Variants in RANBP2 observed in about 807,000 individuals in gnomAD.
RANBP2 encodes the protein E3 SUMO-protein ligase RanBP2.
Under a neutral mutation model 303.6 loss-of-function variants are expected in RANBP2, and 57 were observed. The ratio of observed to expected loss-of-function variants is 0.19; its 90% CI spans 0.15 to 0.23. The LOEUF (loss-of-function observed/expected upper bound fraction) is 0.23, where lower values mean the gene tolerates loss of function less well. Among genes scored for constraint, RANBP2 ranks in the 10% least tolerant of loss-of-function variants. The pLI, the probability that RANBP2 is intolerant of heterozygous loss-of-function variation, is 1.00. For synonymous variants in RANBP2, 1,167 were observed against 1,301.5 expected, an observed-to-expected ratio of 0.90 and a Z score of 2.23; for missense variants, 3,138 against 3,780.8, an observed-to-expected ratio of 0.83 and a Z score of 4.46.
At chr2:108,943,437 A>G in the RANBP2 span, among the ~76,000 whole-genome samples, 1 of 152,156 alleles carries the variant, frequency 6.6e-6, no homozygotes, top group East Asian at 1.9e-4. Context: ...CTGCAATCAC[A>G]CCGTATTCAT....
At chr2:108,862,161 A>G in the RANBP2 span, among the ~76,000 whole-genome samples, 16 of 149,798 alleles carry the variant, frequency 1.1e-4, no homozygotes, top group South Asian at 3.4e-3. Context: ...AGAAGAATAT[A>G]TATTCTGTGG....
chr2:108,936,564 G>T, the RANBP2 span, among the ~76,000 whole-genome samples: 1 of 152,122 alleles, frequency 6.6e-6, no homozygotes, highest in African/African-American at 2.4e-5. Flanking sequence ...GGAGGCTGCT[G>T]GTGGCCTCCT....
rs1286460097 is a variant in RANBP2 at position 108,763,298 on chromosome 2, A to G, written c.2759A>G (p.Gln920Arg). The change falls in exon 20 of 29, where the codon CAG (glutamine) becomes CGG (arginine). Residue 920 changes from glutamine to arginine, a missense_variant. Coordinates refer to ENST00000283195, the MANE Select transcript of RANBP2 (RefSeq NM_006267.5). Reference sequence around the variant, plus strand: ...CAGCATATTTATGCCTATCCGCAACAGATGCACACACCGCCAGTGCAAAGC... The same window carrying G: ...CAGCATATTTATGCCTATCCGCAACGGATGCACACACCGCCAGTGCAAAGC... ...PQQHIYAYPQQMHTPPVQSSS... is the reference protein window; with the variant it reads ...PQQHIYAYPQRMHTPPVQSSS... The G allele has an allele frequency of 1.2e-6, 2 of 1,613,946 alleles. No homozygotes were observed. The highest frequency in any genetic ancestry group is 1.7e-6 in the Non-Finnish European group (2 of 1,179,966).
the RANBP2 span, among the ~76,000 whole-genome samples, chr2:109,114,446 G>T: frequency 6.6e-6 from 1 of 152,038 alleles, no homozygotes; most frequent in African/African-American, 2.4e-5. Flanking sequence ...TTCTCTGATG[G>T]TAGTTTGTAT....
chr2:109,515,060 G>T, the RANBP2 span, among the ~76,000 whole-genome samples: 1 of 152,310 alleles, frequency 6.6e-6, no homozygotes, highest in South Asian at 2.1e-4. Context: ...GATGACCTTT[G>T]CCCTGGAAAT....
the RANBP2 span, among the ~76,000 whole-genome samples, chr2:109,456,201 C>G: frequency 6.6e-6 from 1 of 152,226 alleles, no homozygotes; most frequent in Non-Finnish European, 1.5e-5. Flanking sequence ...CCTGGCAGCT[C>G]TGCTGGTTAG....
At chr2:109,466,072 C>CTTTTTT in the RANBP2 span, among the ~76,000 whole-genome samples, 264 of 82,386 alleles carry the variant, frequency 3.2e-3, no homozygotes, top group Non-Finnish European at 4.1e-3. Flanking sequence ...ACCTGTACAT[C>CTTTTTT]TTTTTTTTTT....
At chr2:108,989,899 C>A in the RANBP2 span, among the ~76,000 whole-genome samples, 1 of 152,120 alleles carries the variant, frequency 6.6e-6, no homozygotes, top group African/African-American at 2.4e-5. Flanking sequence ...AATACAGGAA[C>A]AGAGCAGCTC....
the RANBP2 span, among the ~76,000 whole-genome samples, chr2:109,457,512 C>A: frequency 1.3e-5 from 2 of 152,194 alleles, no homozygotes. Context: ...TGACTAATAA[C>A]GAGTAACTAA....
chr2:109,392,438 A>G, the RANBP2 span, among the ~76,000 whole-genome samples: 3 of 152,078 alleles, frequency 2.0e-5, no homozygotes, highest in Non-Finnish European at 4.4e-5. Flanking sequence ...TGGTGGATAT[A>G]AGGGTCTGAT....
chr2:109,505,084 C>T, the RANBP2 span, among the ~76,000 whole-genome samples: 8 of 152,222 alleles, frequency 5.3e-5, no homozygotes, highest in East Asian at 1.5e-3. Context: ...TTACCCTTGT[C>T]TCTCTGGCCC....
At chr2:109,700,822 C>T in the RANBP2 span, among the ~76,000 whole-genome samples, 2 of 151,962 alleles carry the variant, frequency 1.3e-5, no homozygotes, top group African/African-American at 2.4e-5. Context: ...CTCAACAGAT[C>T]CGAGGAGTCA....
chr2:109,578,131 T>C, the RANBP2 span, among the ~76,000 whole-genome samples: 1 of 151,766 alleles, frequency 6.6e-6, no homozygotes, highest in Non-Finnish European at 1.5e-5. Context: ...AAAATAAATA[T>C]AGAACTGGCA....
the RANBP2 span, among the ~76,000 whole-genome samples, chr2:108,915,361 T>A: frequency 1.3e-5 from 2 of 152,226 alleles, no homozygotes; most frequent in Admixed American, 1.3e-4. Context: ...GATGCTTCTC[T>A]GTCCTCACAC....
chr2:108,831,421 C>CT, the RANBP2 span, among the ~76,000 whole-genome samples: 2 of 151,978 alleles, frequency 1.3e-5, no homozygotes, highest in African/African-American at 2.4e-5. Flanking sequence ...AGAAAAAGTA[C>CT]TTTTTTATTA....
chr2:108,945,508 C>T, the RANBP2 span, among the ~76,000 whole-genome samples: 2 of 152,100 alleles, frequency 1.3e-5, no homozygotes, highest in African/African-American at 4.8e-5. Flanking sequence ...GAGGAGCCAG[C>T]AGAGGGCTGA....
the RANBP2 span, among the ~76,000 whole-genome samples, chr2:109,559,199 T>C: frequency 6.6e-6 from 1 of 152,144 alleles, no homozygotes; most frequent in African/African-American, 2.4e-5. Context: ...TATAACTTCT[T>C]GAAACTATAA....
At chr2:108,917,646 AG>A in the RANBP2 span, among the ~76,000 whole-genome samples, 2 of 151,920 alleles carry the variant, frequency 1.3e-5, no homozygotes, top group Non-Finnish European at 2.9e-5. Flanking sequence ...CTAAGACTAG[AG>A]GGGGGTCAAA....
chr2:109,482,330 T>C, the RANBP2 span, among the ~76,000 whole-genome samples: 5 of 152,194 alleles, frequency 3.3e-5, no homozygotes, highest in African/African-American at 1.2e-4. Context: ...GTTTTACACA[T>C]GAGGGAAGTG....
Sources: gnomAD v4.1 joint callset for allele counts (sites outside exome capture counted in the v4.1 genomes callset) on GRCh38, gnomAD v4.1.1 for gene constraint, MANE v1.5 for transcripts, NCBI Gene and HGNC (gene_info 2026-07-23, HGNC 2026-07-21) for gene names.